NEDD9: variants seen among roughly 807,000 people sequenced by gnomAD.
NEDD9 encodes enhancer of filamentation 1.
Under a neutral mutation model 76.6 loss-of-function variants are expected in NEDD9, and 26 were observed. That is an observed-to-expected ratio of 0.34 (90% CI 0.25 to 0.47). The LOEUF is 0.47. Ranked by LOEUF, NEDD9 falls within the 20% of genes least tolerant of loss-of-function variation. The pLI is 1.00. For missense variants in NEDD9, 937 were observed against 1,058.5 expected, an observed-to-expected ratio of 0.89 and a Z score of 1.59; for synonymous variants, 392 against 414.2, an observed-to-expected ratio of 0.95 and a Z score of 0.65.
chr6:11,306,105 C>G, exon 3 of NEDD9: 1 of 1,386,002 alleles, frequency 7.2e-7, no homozygotes, highest in African/African-American at 1.4e-5. Flanking sequence ...ACTTGAAGAA[C>G]ATATGATGTT....
intron 1 of NEDD9, among the ~76,000 whole-genome samples, chr6:11,369,401 G>A (rs1582053710): frequency 6.6e-6 from 1 of 152,102 alleles, no homozygotes; most frequent in African/African-American, 2.4e-5. Flanking sequence ...TTATTTTTAA[G>A]TAAAATAATC....
chr6:11,199,050 T>C (rs1003173130), intron 2 of NEDD9: 3 of 152,244 alleles, frequency 2.0e-5, no homozygotes, highest in Non-Finnish European at 2.9e-5. Flanking sequence ...TGAGCTCGTA[T>C]GTGACATGAA....
intron 2 of NEDD9, among the ~76,000 whole-genome samples, chr6:11,330,860 A>T (rs1190079454): frequency 6.6e-6 from 1 of 152,224 alleles, no homozygotes; most frequent in African/African-American, 2.4e-5. Flanking sequence ...CACCCCAAGC[A>T]AGTAAGCACC....
At chr6:11,371,229 A>T (rs1582054684) in intron 1 of NEDD9, among the ~76,000 whole-genome samples, 1 of 152,182 alleles carries the variant, frequency 6.6e-6, no homozygotes, top group African/African-American at 2.4e-5. Flanking sequence ...ACCTCCCTCC[A>T]CAGACTGGCA....
intron 1 of NEDD9, among the ~76,000 whole-genome samples, chr6:11,377,020 A>G (rs1193672428): frequency 6.6e-6 from 1 of 152,242 alleles, no homozygotes; most frequent in Admixed American, 6.5e-5. Flanking sequence ...TGATTGCCAC[A>G]TGGGGTTAAG....
chr6:11,323,935 T>C (rs888578161), intron 2 of NEDD9, among the ~76,000 whole-genome samples: 27 of 152,240 alleles, frequency 1.8e-4, no homozygotes, highest in African/African-American at 6.3e-4. Context: ...TGTGGCTCTC[T>C]ACAGGGCAGC....
intron 2 of NEDD9, among the ~76,000 whole-genome samples, chr6:11,332,175 T>C (rs773971586): frequency 6.6e-6 from 1 of 152,244 alleles, no homozygotes; most frequent in African/African-American, 2.4e-5. Context: ...GCAAGATCTA[T>C]GAAATGTCCT....
intron 2 of NEDD9, among the ~76,000 whole-genome samples, chr6:11,306,580 A>G (rs1761190675): frequency 6.6e-6 from 1 of 152,048 alleles, no homozygotes; most frequent in Non-Finnish European, 1.5e-5. Flanking sequence ...CCTATAACCT[A>G]CAGTTTTAGT....
At chr6:11,281,995 T>G (rs1046053179) in intron 3 of NEDD9, among the ~76,000 whole-genome samples, 2 of 152,146 alleles carry the variant, frequency 1.3e-5, no homozygotes, top group African/African-American at 4.8e-5. Flanking sequence ...TGCCTCGGCC[T>G]CCTAAAGTGC....
intron 3 of NEDD9, among the ~76,000 whole-genome samples, chr6:11,246,605 C>T (rs1013845018): frequency 6.6e-6 from 1 of 152,262 alleles, no homozygotes; most frequent in East Asian, 1.9e-4. Context: ...ATTTGAAGCT[C>T]GAGTGTGGAC....
intron 2 of NEDD9, chr6:11,201,009 A>T: frequency 1.2e-6 from 2 of 1,614,262 alleles, no homozygotes; most frequent in Non-Finnish European, 1.7e-6. Flanking sequence ...AGAGGCTCTC[A>T]CTAAGAAATA....
chr6:11,264,775 T>C (rs1760174458), intron 3 of NEDD9, among the ~76,000 whole-genome samples: 1 of 152,236 alleles, frequency 6.6e-6, no homozygotes, highest in Non-Finnish European at 1.5e-5. Context: ...TTAACTGACT[T>C]CCTCATCTTT....
chr6:11,251,941 T>TG (rs557614896), intron 3 of NEDD9, among the ~76,000 whole-genome samples: 27 of 151,688 alleles, frequency 1.8e-4, no homozygotes, highest in South Asian at 8.3e-4. Context: ...TATGTGTGTG[T>TG]GGGGGGGGAT....
intron 1 of NEDD9, among the ~76,000 whole-genome samples, chr6:11,371,501 C>G (rs1224075542): frequency 2.0e-5 from 3 of 152,214 alleles, no homozygotes; most frequent in Admixed American, 6.5e-5. Flanking sequence ...TTTTCCAGAA[C>G]GTTCTAGTTA....
intron 2 of NEDD9, among the ~76,000 whole-genome samples, chr6:11,330,862 G>GT (rs1762022018): frequency 6.6e-6 from 1 of 152,222 alleles, no homozygotes; most frequent in African/African-American, 2.4e-5. Context: ...CCCCAAGCAA[G>GT]TAAGCACCTT....
intron 2 of NEDD9, among the ~76,000 whole-genome samples, chr6:11,204,861 T>C (rs1378305618): frequency 1.3e-5 from 2 of 152,110 alleles, no homozygotes; most frequent in African/African-American, 4.8e-5. Context: ...TCAGGACTCC[T>C]GGATCAGCCC....
At chr6:11,226,773 T>G (rs1759321388) in intron 1 of NEDD9, among the ~76,000 whole-genome samples, 1 of 152,228 alleles carries the variant, frequency 6.6e-6, no homozygotes, top group Non-Finnish European at 1.5e-5. Flanking sequence ...TGTGGGTATG[T>G]GTATATAACA....
intron 3 of NEDD9, among the ~76,000 whole-genome samples, chr6:11,246,406 C>A (rs764690630): frequency 6.6e-6 from 1 of 152,106 alleles, no homozygotes; most frequent in Non-Finnish European, 1.5e-5. Flanking sequence ...GATCCCAGGG[C>A]CCAGGAATGA....
At chr6:11,340,627 C>T (rs1216809675) in intron 1 of NEDD9, among the ~76,000 whole-genome samples, 1 of 152,174 alleles carries the variant, frequency 6.6e-6, no homozygotes, top group African/African-American at 2.4e-5. Flanking sequence ...CACTAAGGTA[C>T]CTGTCTCCTC....
Sources: allele counts gnomAD v4.1 joint callset (sites outside exome capture counted in the v4.1 genomes callset), GRCh38; gene constraint gnomAD v4.1.1; transcripts MANE v1.5; gene names NCBI Gene and HGNC (gene_info 2026-07-23, HGNC 2026-07-21).